TBCD: variants seen among roughly 807,000 people sequenced by gnomAD.
TBCD encodes tubulin folding cofactor D.
TBCD carries 105 observed loss-of-function variants against 169.3 expected under a neutral mutation model. That is an observed-to-expected ratio of 0.62 (90% CI 0.53 to 0.73). TBCD has a LOEUF of 0.73. TBCD is among the 30% of genes least tolerant of loss of function. The pLI, the probability that TBCD is intolerant of heterozygous loss-of-function variation, is 0.00. For synonymous variants in TBCD, 700 were observed against 643.9 expected (o/e 1.09, Z -1.32); for missense variants, 1,444 against 1,600.1 (o/e 0.90, Z 1.66).
At chr17:82,808,375 G>C (rs1164890426) in intron 11 of TBCD, among the ~76,000 whole-genome samples, 1 of 137,814 alleles carries the variant, frequency 7.3e-6, no homozygotes, top group Admixed American at 6.9e-5. Flanking sequence ...GCCAGCAGAT[G>C]CTGGGGTTGG....
intron 9 of TBCD, among the ~76,000 whole-genome samples, chr17:82,805,132 C>CAGCGCAGGGCTGGGCTGCACGCCG (rs2050862116): frequency 6.6e-6 from 1 of 152,270 alleles, no homozygotes; most frequent in African/African-American, 2.4e-5. Flanking sequence ...GGGCCTTGCT[C>CAGCGCAGGGCTGGGCTGCACGCCG]AGCGCAGGGC....
chr17:82,897,928 T>C (rs184983369), intron 17 of TBCD, among the ~76,000 whole-genome samples: 4 of 151,408 alleles, frequency 2.6e-5, no homozygotes, highest in Admixed American at 2.6e-4. Flanking sequence ...GGAGTGAGCA[T>C]TGAGCCCCCG....
Position 82,924,984 on chromosome 17 carries a change from A to T in TBCD, c.2306A>T (p.Glu769Val), listed in dbSNP as rs1473338232. The change falls in exon 27 of 39, where the codon GAG (glutamate) becomes GTG (valine). Residue 769 changes from glutamate to valine, a missense_variant. Physicochemically the swap from Glu to Val is moderately radical, Grantham distance 121. Transcript: ENST00000355528. ...CTGGCTGAGCTTCGGAACCCCGAGGAGATGACTCGCTGTGGCTTCTCGTTG... is the reference window on the plus strand; with the variant it reads ...CTGGCTGAGCTTCGGAACCCCGAGGTGATGACTCGCTGTGGCTTCTCGTTG... ...QYLAELRNPEEMTRCGFSLAL... is the reference protein window; with the variant it reads ...QYLAELRNPEVMTRCGFSLAL... 6.3e-7 allele frequency: 1 copy of T among 1,575,878 alleles called. No homozygotes were observed. Among genetic ancestry groups the T allele is most frequent in the Non-Finnish European group, 8.6e-7 (1 of 1,159,520 alleles).
chr17:82,890,363 C>A lies in TBCD; in HGVS notation c.1563+666C>A, dbSNP rs1044298146. Among the ~76,000 whole-genome samples, 1 of 152,078 alleles carries A rather than the reference C, an allele frequency of 6.6e-6. No homozygotes were observed. The highest frequency in any genetic ancestry group is 6.5e-5 in the Admixed American group (1 of 15,272). ...AGCAAAGTTCCCACGAGAAGTCAGC[C>A]GAGAAGGCTCTGGAGTTCCCGGACA... On this transcript the variant is annotated intron_variant, in intron 16 of 38. Transcript: ENST00000355528. The surrounding 1 kb of genome is among the most constrained non-coding windows in gnomAD (Gnocchi z 5.3).
intron 32 of TBCD, chr17:82,929,745 G>GCAGCCTTGGAGCTCCCAGCGTCCC: frequency 1.6e-6 from 1 of 624,122 alleles, no homozygotes. Context: ...TCCTGCGGCC[G>GCAGCCTTGGAGCTCCCAGCGTCCC]CAGCCTTGGA....
intron 13 of TBCD, among the ~76,000 whole-genome samples, chr17:82,817,170 G>T (rs570340038): frequency 1.1e-4 from 17 of 152,104 alleles, no homozygotes; most frequent in South Asian, 2.1e-4. Flanking sequence ...TTGCTCCGTT[G>T]CCCAGGCTAG....
chr17:82,805,013 G>T (rs1166677458), intron 9 of TBCD, among the ~76,000 whole-genome samples: 2 of 152,240 alleles, frequency 1.3e-5, no homozygotes, highest in African/African-American at 2.4e-5. Flanking sequence ...CGCAGCAGCT[G>T]CCCTGAACTC....
intron 13 of TBCD, chr17:82,838,584 T>C (rs1052196207): frequency 6.5e-6 from 6 of 918,070 alleles, no homozygotes; most frequent in Non-Finnish European, 7.8e-6. Context: ...GGACACACCA[T>C]TGTCGCCTAC....
chr17:82,808,179 G>T (rs561252719), intron 11 of TBCD, among the ~76,000 whole-genome samples: 1 of 152,160 alleles, frequency 6.6e-6, no homozygotes, highest in South Asian at 2.1e-4. Flanking sequence ...AACAGGTGGA[G>T]CCCTGGCCTG....
At chr17:82,928,585 G>A (rs1283234870) in intron 30 of TBCD, among the ~76,000 whole-genome samples, 1 of 151,744 alleles carries the variant, frequency 6.6e-6, no homozygotes, top group Admixed American at 6.6e-5. Flanking sequence ...GCGGGTCTCT[G>A]TCGGGGGCAC....
chr17:82,814,832 G>C lies in TBCD; in HGVS notation c.1224-8G>C. On this transcript the variant is annotated splice_region_variant and splice_polypyrimidine_tract_variant and intron_variant, in intron 12 of 38. Transcript: ENST00000355528. ...GGGCTGTGGTCTCAGGATCTTTGTTGCTCTCAGTTTCCAGGAGACTGACAA... is the reference window on the plus strand; with the variant it reads ...GGGCTGTGGTCTCAGGATCTTTGTTCCTCTCAGTTTCCAGGAGACTGACAA... The C allele has an allele frequency of 6.2e-7, 1 of 1,613,786 alleles. No individual in the cohort carries two copies.
At chr17:82,808,329 G>T (rs558775951) in intron 11 of TBCD, among the ~76,000 whole-genome samples, 111 of 150,336 alleles carry the variant, frequency 7.4e-4, no homozygotes, top group African/African-American at 2.6e-3. Context: ...GTGTCAGGGA[G>T]GTACCTTCTG....
At chr17:82,858,608 C>T (rs1310473606) in intron 13 of TBCD, 3 of 985,252 alleles carry the variant, frequency 3.0e-6, no homozygotes, top group South Asian at 4.7e-5. Context: ...CGGCCTGGTT[C>T]GCTGGGTGTG....
intron 11 of TBCD, among the ~76,000 whole-genome samples, chr17:82,808,311 G>A (rs142740534): frequency 6.0e-5 from 9 of 150,754 alleles, no homozygotes; most frequent in African/African-American, 2.2e-4. Flanking sequence ...GGGCCAGCAG[G>A]TGCTGAGGTG....
In TBCD at chr17:82,920,573, A is replaced by G; in HGVS notation, c.2056A>G (p.Lys686Glu). Reference sequence around the variant, plus strand: ...TTTTCCAGTGTGTGTTTTAATAGAAAAGTTGTCACTTTCCAAAATGCCCTT... The same window carrying G: ...TTTTCCAGTGTGTGTTTTAATAGAAGAGTTGTCACTTTCCAAAATGCCCTT... ...MRQAVCVLIEKLSLSKMPFRG... is the reference protein window; with the variant it reads ...MRQAVCVLIEELSLSKMPFRG... The change falls in exon 24 of 39, where the codon AAG becomes GAG. Residue 686 changes from lysine to glutamate, a missense_variant. Lys to Glu is a moderately conservative substitution (Grantham distance 56). Transcript: ENST00000355528. The surrounding 1 kb of genome is among the most constrained non-coding windows in gnomAD (Gnocchi z 4.1). 1 of 1,547,468 alleles carries G rather than the reference A, an allele frequency of 6.5e-7. No individual in the cohort carries two copies. Among genetic ancestry groups the G allele is most frequent in the Non-Finnish European group, 8.7e-7 (1 of 1,146,892 alleles).
chr17:82,898,968 C>T (rs2059680408), intron 17 of TBCD, among the ~76,000 whole-genome samples: 2 of 152,230 alleles, frequency 1.3e-5, no homozygotes, highest in African/African-American at 2.4e-5. Flanking sequence ...AACACTCCTT[C>T]CCCCCAGCCT....
At chr17:82,926,558 G>A in intron 28 of TBCD, 67 bp downstream of exon 28, 1 of 1,378,404 alleles carries the variant, frequency 7.3e-7, no homozygotes, top group Non-Finnish European at 1.0e-6. Flanking sequence ...ACGCTAAGGG[G>A]GATGTTTTTG....
chr17:82,892,399 T>G (rs1199435665), intron 16 of TBCD, among the ~76,000 whole-genome samples: 2 of 152,172 alleles, frequency 1.3e-5, no homozygotes, highest in African/African-American at 4.8e-5. Context: ...TGAAGGATGC[T>G]CATGCTGTCA....
chr17:82,897,749 G>C (rs1447891025), intron 17 of TBCD, among the ~76,000 whole-genome samples: 2 of 152,292 alleles, frequency 1.3e-5, no homozygotes, highest in South Asian at 4.1e-4. Context: ...TTTAGAATCC[G>C]TGCAGGTAGC....
Sources: allele counts gnomAD v4.1 joint callset (sites outside exome capture counted in the v4.1 genomes callset), GRCh38; gene constraint gnomAD v4.1.1; non-coding constraint Gnocchi (gnomAD v3.1); transcripts MANE v1.5; gene names NCBI Gene and HGNC (gene_info 2026-07-23, HGNC 2026-07-21).